The following STXBP5L variants were observed in gnomAD, a reference collection of about 807,000 sequenced individuals.
The protein encoded by STXBP5L is syntaxin binding protein 5L.
A neutral mutation model predicts 144.5 loss-of-function variants in STXBP5L; 65 were observed. The ratio of observed to expected loss-of-function variants is 0.45; its 90% CI spans 0.37 to 0.55. The LOEUF (loss-of-function observed/expected upper bound fraction) is 0.55, where lower values mean the gene tolerates loss of function less well. Ranked by LOEUF, STXBP5L falls within the 20% of genes least tolerant of loss-of-function variation. The pLI is 0.00. For synonymous variants in STXBP5L, 505 were observed against 469.6 expected (o/e 1.08, Z -0.97); for missense variants, 1,298 against 1,405.5 (o/e 0.92, Z 1.22).
intron 5 of STXBP5L, among the ~76,000 whole-genome samples, chr3:121,081,923 C>A (rs1173681471): frequency 2.0e-5 from 3 of 152,208 alleles, no homozygotes; most frequent in Admixed American, 6.5e-5. Flanking sequence ...CTGTTCAAAT[C>A]AGACAGGCTG....
intron 2 of STXBP5L, among the ~76,000 whole-genome samples, chr3:120,928,159 C>T (rs1321121808): frequency 2.0e-5 from 3 of 152,142 alleles, no homozygotes; most frequent in Non-Finnish European, 2.9e-5. Flanking sequence ...AACCATCAGT[C>T]AAAACAAGAT....
chr3:121,358,627 C>A (rs2045607481), intron 20 of STXBP5L, among the ~76,000 whole-genome samples: 1 of 152,182 alleles, frequency 6.6e-6, no homozygotes, highest in Non-Finnish European at 1.5e-5. Context: ...GGAGATTACA[C>A]TTCAACATGA....
At chr3:121,210,925 G>A (rs1401223136) in intron 10 of STXBP5L, among the ~76,000 whole-genome samples, 3 of 152,060 alleles carry the variant, frequency 2.0e-5, no homozygotes, top group Non-Finnish European at 4.4e-5. Context: ...ACCTTTTTTG[G>A]TTCCATATGA....
intron 5 of STXBP5L, among the ~76,000 whole-genome samples, chr3:121,100,646 A>G (rs1463404403): frequency 2.6e-5 from 4 of 152,156 alleles, no homozygotes; most frequent in African/African-American, 9.6e-5. Context: ...AAAAGTCATA[A>G]AGATCTCAAA....
At chr3:121,358,730 A>C (rs2045610833) in intron 20 of STXBP5L, among the ~76,000 whole-genome samples, 1 of 152,192 alleles carries the variant, frequency 6.6e-6, no homozygotes, top group African/African-American at 2.4e-5. Context: ...CGCACAAATA[A>C]GTGAGAATAT....
intron 18 of STXBP5L, among the ~76,000 whole-genome samples, chr3:121,267,391 A>C (rs779224482): frequency 6.6e-6 from 1 of 152,190 alleles, no homozygotes; most frequent in Non-Finnish European, 1.5e-5. Flanking sequence ...CTTTCCTTAG[A>C]CCTTATACAA....
At chr3:120,939,359 A>T (rs982987188) in intron 2 of STXBP5L, among the ~76,000 whole-genome samples, 1 of 152,162 alleles carries the variant, frequency 6.6e-6, no homozygotes, top group Non-Finnish European at 1.5e-5. Context: ...AAAGACATGG[A>T]CTATATTACT....
intron 7 of STXBP5L, among the ~76,000 whole-genome samples, chr3:121,136,631 A>C (rs1193659598): frequency 6.6e-6 from 1 of 152,206 alleles, no homozygotes; most frequent in Non-Finnish European, 1.5e-5. Context: ...TGCTGGTGGG[A>C]ATGTAAATTA....
At chr3:120,986,699 T>C (rs1942318555) in intron 3 of STXBP5L, among the ~76,000 whole-genome samples, 2 of 151,908 alleles carry the variant, frequency 1.3e-5, no homozygotes, top group South Asian at 2.1e-4. Context: ...AAGGAAGATA[T>C]GGAGAAAGTC....
chr3:120,982,216 G>A (rs890109953), intron 3 of STXBP5L, among the ~76,000 whole-genome samples: 5 of 152,158 alleles, frequency 3.3e-5, no homozygotes, highest in African/African-American at 4.8e-5. Context: ...TGTTTACTGG[G>A]AGGTGCTCTC....
intron 19 of STXBP5L, among the ~76,000 whole-genome samples, chr3:121,316,119 A>G (rs2043778966): frequency 6.6e-6 from 1 of 152,182 alleles, no homozygotes; most frequent in Non-Finnish European, 1.5e-5. Flanking sequence ...TTACTTCTAT[A>G]GTCCAAAAAA....
intron 5 of STXBP5L, among the ~76,000 whole-genome samples, chr3:121,081,046 TA>T (rs1316175406): frequency 1.3e-5 from 2 of 152,136 alleles, no homozygotes; most frequent in Admixed American, 6.5e-5. Context: ...TTGGAGACTT[TA>T]TTTTTTTAAT....
intron 18 of STXBP5L, among the ~76,000 whole-genome samples, chr3:121,268,803 G>A (rs2050652968): frequency 1.3e-5 from 2 of 152,058 alleles, no homozygotes; most frequent in Non-Finnish European, 2.9e-5. Context: ...TTTGCTTTTG[G>A]ACAGCTGTAT....
chr3:121,289,353 C>T (rs532754847), intron 19 of STXBP5L, among the ~76,000 whole-genome samples: 7 of 152,162 alleles, frequency 4.6e-5, no homozygotes, highest in African/African-American at 1.4e-4. Context: ...GAAAATATAA[C>T]AATTCTAGAT....
At chr3:121,403,562 T>C (rs1241317490) in intron 22 of STXBP5L, among the ~76,000 whole-genome samples, 4 of 152,298 alleles carry the variant, frequency 2.6e-5, no homozygotes, top group East Asian at 1.9e-4. Context: ...GGTTCTAGGC[T>C]GTATTAGTCA....
intron 3 of STXBP5L, among the ~76,000 whole-genome samples, chr3:120,989,242 T>C (rs1308599144): frequency 6.6e-6 from 1 of 152,114 alleles, no homozygotes; most frequent in Non-Finnish European, 1.5e-5. Flanking sequence ...CAAATTTACA[T>C]TCCAACAAGC....
chr3:121,211,619 A>T (rs2108256823), intron 10 of STXBP5L, among the ~76,000 whole-genome samples: 1 of 125,012 alleles, frequency 8.0e-6, no homozygotes, highest in South Asian at 2.4e-4. Context: ...TCGCTCTGTC[A>T]CCAGGCTGGA....
chr3:121,105,034 A>C (rs2043625672), intron 5 of STXBP5L, among the ~76,000 whole-genome samples: 1 of 152,180 alleles, frequency 6.6e-6, no homozygotes, highest in Non-Finnish European at 1.5e-5. Flanking sequence ...ACAAATCAGC[A>C]AGAAAAAAAA....
chr3:121,182,285 C>T (rs1018964315), intron 9 of STXBP5L, among the ~76,000 whole-genome samples: 1 of 151,990 alleles, frequency 6.6e-6, no homozygotes, highest in African/African-American at 2.4e-5. Context: ...AAATAAGTCT[C>T]AATAAATTTA....
Sources: allele counts gnomAD v4.1 joint callset (sites outside exome capture counted in the v4.1 genomes callset), GRCh38; gene constraint gnomAD v4.1.1; transcripts MANE v1.5; gene names NCBI Gene and HGNC (gene_info 2026-07-23, HGNC 2026-07-21).